Variants in MCM5 observed in about 807,000 individuals in gnomAD.
The protein encoded by MCM5 is minichromosome maintenance complex component 5, also known as DNA replication licensing factor MCM5.
Under a neutral mutation model 79.9 loss-of-function variants are expected in MCM5, and 46 were observed. The observed-to-expected ratio is 0.58, with a 90% confidence interval of 0.45 to 0.74. The LOEUF is 0.74. Among genes scored for constraint, MCM5 ranks in the 30% least tolerant of loss-of-function variants. MCM5 has a pLI of 0.00. For synonymous variants in MCM5, 404 were observed against 390.5 expected (o/e 1.03, Z -0.41); for missense variants, 883 against 1,017.0 (o/e 0.87, Z 1.79).
At chr22:35,417,680 T>G in intron 12 of MCM5, 64 bp from the exon 13 acceptor site, 2 of 1,163,804 alleles carry the variant, frequency 1.7e-6, no homozygotes, top group Non-Finnish European at 2.6e-6. Context: ...CTGTTCCACC[T>G]CAGTGCTGGG....
rs1286714850 is a variant in MCM5, at chr22:35,424,625, A to C, written c.*370A>C. 1 of 180,852 alleles carries C rather than the reference A, an allele frequency of 5.5e-6. No individual in the cohort carries two copies. Among genetic ancestry groups the C allele is most frequent in the Non-Finnish European group, 1.1e-5 (1 of 87,036 alleles). The allele number at this position is 180,852 out of a possible 1,614,324, so 11.2% of individuals were successfully genotyped here. A position where few individuals can be genotyped will look rare whatever the true frequency, so the allele number is the denominator to read the frequency against. On this transcript the variant is annotated 3_prime_UTR_variant, in exon 17 of 17. Transcript: ENST00000216122. ...TTTCTGACTTGGATCTGCCACTCAG[A>C]CTTCTGGGTAAGTCACGTGACTTGA...
intron 13 of MCM5, among the ~76,000 whole-genome samples, chr22:35,418,639 A>C (rs1219241705): frequency 6.7e-6 from 1 of 150,090 alleles, no homozygotes; most frequent in Non-Finnish European, 1.5e-5. Context: ...CAGCCTGGGC[A>C]ACAGAGTGAG....
rs1331675471 is a variant in MCM5 at position 35,413,157 on chromosome 22, C to G, written c.1091+476C>G. On this transcript the variant is annotated intron_variant, in intron 8 of 16. Transcript: ENST00000216122. ...TCTTGGGTTCACACCATTCTCCTGCCTCAGCCTCCCGAGTAGCTGGGACTA... is the reference window on the plus strand; with the variant it reads ...TCTTGGGTTCACACCATTCTCCTGCGTCAGCCTCCCGAGTAGCTGGGACTA... Among the ~76,000 whole-genome samples, 4 of 152,202 alleles carry G rather than the reference C, an allele frequency of 2.6e-5. No homozygotes were observed. The East Asian group carries it at 7.7e-4, about 29-fold the overall frequency.
chr22:35,427,729 G>C (rs1346213398), downstream of MCM5, among the ~76,000 whole-genome samples: 1 of 151,234 alleles, frequency 6.6e-6, no homozygotes, highest in Non-Finnish European at 1.5e-5. Context: ...TTAATTAGGA[G>C]TGTCAAGTCT....
chr22:35,415,589 T>C (rs1178017535), intron 9 of MCM5, among the ~76,000 whole-genome samples: 1 of 152,214 alleles, frequency 6.6e-6, no homozygotes, highest in Non-Finnish European at 1.5e-5. Flanking sequence ...TGGTGAGGCT[T>C]AGGTGAGCCA....
downstream of MCM5, among the ~76,000 whole-genome samples, chr22:35,428,725 C>G (rs1932793284): frequency 6.6e-6 from 1 of 152,134 alleles, no homozygotes; most frequent in Non-Finnish European, 1.5e-5. Context: ...TCTTCCAGGT[C>G]AGGGAGACTT....
At chr22:35,412,886 G>A (rs903353611) in intron 8 of MCM5, among the ~76,000 whole-genome samples, 1 of 152,198 alleles carries the variant, frequency 6.6e-6, no homozygotes, top group Non-Finnish European at 1.5e-5. Context: ...CCCTGACCCT[G>A]GCAAGGGGGA....
At chr22:35,442,866 CTGTT>C in the MCM5 span, among the ~76,000 whole-genome samples, 18 of 152,362 alleles carry the variant, frequency 1.2e-4, no homozygotes, top group African/African-American at 3.4e-4. Flanking sequence ...TCAGTGGGCT[CTGTT>C]TGTTTCCCAT....
At chr22:35,420,891 GC>G (rs1932675659) in intron 14 of MCM5, among the ~76,000 whole-genome samples, 1 of 152,128 alleles carries the variant, frequency 6.6e-6, no homozygotes, top group Non-Finnish European at 1.5e-5. Flanking sequence ...ACTTTGGGAG[GC>G]TGAGGCAGGA....
rs759905272 is a variant in MCM5, at chr22:35,419,933, C to T, written c.1753C>T (p.Arg585Cys). ...AGAGGCTGCAGAGAAACTGAAGAAC[C>T]GCTACATCATCATGCGGAGCGGGGC... ...SAEAAEKLKN[R>C]YIIMRSGARQ... The change falls in exon 14 of 17, where the codon CGC becomes TGC. Residue 585 changes from arginine (R) to cysteine (C), a missense_variant. Arg to Cys is a radical substitution (Grantham distance 180, BLOSUM62 -3). Transcript: ENST00000216122. The T allele has an allele frequency of 2.0e-5, 32 of 1,613,258 alleles. No individual in the cohort carries two copies. The highest frequency in any genetic ancestry group is 5.5e-5 in the South Asian group (5 of 90,890).
At chr22:35,438,275 A>G in the MCM5 span, among the ~76,000 whole-genome samples, 70 of 64,680 alleles carry the variant, frequency 1.1e-3, 2 homozygotes, top group East Asian at 0.02. Flanking sequence ...ACCCACCCAC[A>G]TATTCATCCG....
chr22:35,405,491 C>G (rs1188739809), intron 4 of MCM5, among the ~76,000 whole-genome samples: 1 of 151,758 alleles, frequency 6.6e-6, no homozygotes, highest in Non-Finnish European at 1.5e-5. Context: ...CTCAGCCTCC[C>G]GAGTAGCTGG....
intron 6 of MCM5, chr22:35,410,338 G>A (rs892534266): frequency 5.0e-5 from 10 of 198,082 alleles, no homozygotes; most frequent in Admixed American, 1.6e-4. Flanking sequence ...GCTGGGGGGC[G>A]TGAAGAGGAA....
Position 35,406,711 on chromosome 22 carries a change from C to T in MCM5, c.582C>T (p.Pro194=). The change falls in exon 5 of 17, where the codon CCC becomes CCT. Residue 194 remains proline (P), a synonymous_variant. Transcript: ENST00000216122. ...CTGGCCTCGAGGGCTATGCCCTGCC[C>T]AGGAAGTGCAACACGTGAGTCTGTG... ...MRPGLEGYAL[P]RKCNTDQAGR... The T allele has an allele frequency of 6.2e-7, 1 of 1,608,004 alleles. No individual in the cohort carries two copies. The highest frequency in any genetic ancestry group is 1.3e-5 in the African/African-American group (1 of 75,066).
chr22:35,433,818 T>C, the MCM5 span, among the ~76,000 whole-genome samples: 2 of 152,040 alleles, frequency 1.3e-5, no homozygotes, highest in African/African-American at 2.4e-5. Context: ...GGCCGGGGAC[T>C]GGAGCCTGTG....
the MCM5 span, among the ~76,000 whole-genome samples, chr22:35,449,223 C>G: frequency 6.6e-6 from 1 of 152,136 alleles, no homozygotes; most frequent in African/African-American, 2.4e-5. Flanking sequence ...GTCACTCAGG[C>G]CTAGAACTGA....
chr22:35,412,706 T>A (rs1932422108), intron 8 of MCM5, 25 bp downstream of exon 8: 4 of 1,418,746 alleles, frequency 2.8e-6, no homozygotes, highest in Non-Finnish European at 3.7e-6. Context: ...TCCCTTGGGT[T>A]TGGGGAGGCG....
intron 16 of MCM5, 194 bp from the exon 17 acceptor site, chr22:35,423,960 T>C (rs1932752919): frequency 3.7e-6 from 2 of 543,110 alleles, no homozygotes; most frequent in Non-Finnish European, 6.6e-6. Context: ...TACCTCTTAA[T>C]TGCTGTGACC....
rs1932128223 is a variant in MCM5, at chr22:35,403,651, G to C, written c.423+109G>C. 5 of 1,344,510 alleles carry C rather than the reference G, an allele frequency of 3.7e-6. No homozygotes were observed. In the East Asian group the frequency reaches 1.2e-4, roughly 32 times the overall value. The allele number at this position is 1,344,510 out of a possible 1,614,324, so 83.3% of individuals were successfully genotyped here. ...TGAGGCACTTGACCTTTCTGAACCTGTCTCCTCCTGGAGACAAAAGGATCG... is the reference window on the plus strand; with the variant it reads ...TGAGGCACTTGACCTTTCTGAACCTCTCTCCTCCTGGAGACAAAAGGATCG... On this transcript the variant is annotated intron_variant, in intron 4 of 16. Coordinates refer to ENST00000216122, the MANE Select transcript of MCM5 (RefSeq NM_006739.4).
Sources: gnomAD v4.1 joint callset for allele counts (sites outside exome capture counted in the v4.1 genomes callset) on GRCh38, gnomAD v4.1.1 for gene constraint, MANE v1.5 for transcripts, NCBI Gene and HGNC (gene_info 2026-07-23, HGNC 2026-07-21) for gene names.